Variants in ST3GAL3 observed in about 807,000 individuals in gnomAD.
ST3GAL3 encodes ST3 beta-galactoside alpha-2,3-sialyltransferase 3.
ST3GAL3 carries 21 observed loss-of-function variants against 50.1 expected under a neutral mutation model. That is an observed-to-expected ratio of 0.42 (90% CI 0.30 to 0.60). The LOEUF is 0.60. Among genes scored for constraint, ST3GAL3 ranks in the 20% least tolerant of loss-of-function variants. ST3GAL3 has a pLI of 0.19. For missense variants in ST3GAL3, 353 were observed against 489.4 expected (o/e 0.72, Z 2.63); for synonymous variants, 183 against 190.0 (o/e 0.96, Z 0.30).
Position 43,760,681 on chromosome 1 carries a change from G to A in ST3GAL3, c.118+24301G>A, listed in dbSNP as rs139530296. On this transcript the variant is annotated intron_variant, in intron 2 of 11. Transcript: ENST00000347631. ...TGAGGCAGGAGAATCGCTTGAACTC[G>A]GGAGGTGGAGGTTGCAGTGACCTGA... Among the ~76,000 whole-genome samples, 165 of 152,170 alleles carry A rather than the reference G, an allele frequency of 1.1e-3. 1 individual carries two copies. Among genetic ancestry groups the A allele is most frequent in the African/African-American group, 3.8e-3 (156 of 41,502 alleles).
intron 2 of ST3GAL3, among the ~76,000 whole-genome samples, chr1:43,781,608 CA>C (rs34427804): frequency 3.0e-3 from 371 of 123,648 alleles, no homozygotes; most frequent in African/African-American, 5.6e-3. Flanking sequence ...AAGACTGTCT[CA>C]AAAAAAAAAA....
intron 5 of ST3GAL3, among the ~76,000 whole-genome samples, chr1:43,849,366 T>G (rs1325681220): frequency 6.6e-6 from 1 of 152,190 alleles, no homozygotes; most frequent in East Asian, 1.9e-4. Flanking sequence ...AAAGCTCTTT[T>G]TGATGTGTTA....
chr1:43,824,925 C>T (rs1181478174), intron 4 of ST3GAL3: 1 of 720,902 alleles, frequency 1.4e-6, no homozygotes. Context: ...TTGAGAACCA[C>T]TGCTTTAATA....
In ST3GAL3 at chr1:43,930,842, G is replaced by A. The variant is rs535279389; in HGVS notation, c.*621G>A. On this transcript the variant is annotated 3_prime_UTR_variant, in exon 12 of 12. Coordinates refer to ENST00000347631, the MANE Select transcript of ST3GAL3 (RefSeq NM_006279.5). ...TCACCAGCCCTAGCTGTCCCATGGG[G>A]AAACCCTGGAGCCATCCCTTCGGAG... is the stretch of plus-strand genomic sequence containing the variant. 4.8e-3 allele frequency: 839 copies of A among 174,958 alleles called. 5 individuals are homozygous for A. Among genetic ancestry groups the A allele is most frequent in the Non-Finnish European group, 5.6e-3 (451 of 80,602 alleles). The allele number at this position is 174,958 out of a possible 1,614,324, so 10.8% of individuals were successfully genotyped here. A position where few individuals can be genotyped will look rare whatever the true frequency, so the allele number is the denominator to read the frequency against.
chr1:43,805,304 A>C (rs1363848333), intron 3 of ST3GAL3, among the ~76,000 whole-genome samples: 4 of 152,166 alleles, frequency 2.6e-5, no homozygotes, highest in Non-Finnish European at 4.4e-5. Context: ...TTGTCCCACT[A>C]ACCTAGCTTT....
rs764733547 is a variant in ST3GAL3, at chr1:43,899,710, G to A, written c.727G>A (p.Val243Ile). ...WQDFKWLKYI[V>I]YKERVSASDG... ...GGACTTTAAGTGGTTGAAATACATC[G>A]TCTACAAGGAGAGAGTGGTAAGCTC... Residue 243 changes from valine to isoleucine, a missense_variant, in exon 9 of 12, where the codon GTC becomes ATC. Transcript: ENST00000347631. This position sits in a 1 kb window ranked among gnomAD's most constrained non-coding sequence, Gnocchi z 5.4. The A allele has an allele frequency of 3.7e-6, 6 of 1,614,010 alleles. No homozygotes were observed. The highest frequency in any genetic ancestry group is 1.1e-5 in the South Asian group (1 of 91,084).
intron 5 of ST3GAL3, among the ~76,000 whole-genome samples, chr1:43,853,644 T>C (rs934318148): frequency 3.3e-5 from 5 of 152,232 alleles, no homozygotes; most frequent in African/African-American, 1.2e-4. Flanking sequence ...ATGGTTCTCT[T>C]ACCCAGCTCT....
intron 3 of ST3GAL3, among the ~76,000 whole-genome samples, chr1:43,798,668 C>T (rs1351599364): frequency 2.0e-5 from 3 of 152,198 alleles, no homozygotes; most frequent in Non-Finnish European, 4.4e-5. Flanking sequence ...CTCCTCTAAC[C>T]AGTCCTTCTC....
intron 9 of ST3GAL3, chr1:43,919,000 A>G (rs1187130504): frequency 2.0e-5 from 3 of 146,398 alleles, no homozygotes; most frequent in African/African-American, 7.6e-5. Context: ...GCTGCAGTAA[A>G]TTATTTTATC....
At chr1:43,875,481 C>A (rs1294193774) in intron 5 of ST3GAL3, among the ~76,000 whole-genome samples, 1 of 152,130 alleles carries the variant, frequency 6.6e-6, no homozygotes, top group Non-Finnish European at 1.5e-5. Flanking sequence ...TGTCCACACC[C>A]ATATTTCATC....
chr1:43,744,461 G>A (rs950078096), intron 2 of ST3GAL3, among the ~76,000 whole-genome samples: 12 of 151,768 alleles, frequency 7.9e-5, no homozygotes, highest in African/African-American at 2.4e-4. Context: ...GGCTGGTCTC[G>A]AACTCCTGAC....
At chr1:43,761,911 A>G (rs1690555443) in intron 2 of ST3GAL3, among the ~76,000 whole-genome samples, 1 of 139,778 alleles carries the variant, frequency 7.2e-6, no homozygotes, top group Admixed American at 7.7e-5. Context: ...AGATGGCACC[A>G]CTGCACTCCA....
intron 5 of ST3GAL3, chr1:43,841,663 C>A (rs1355774704): frequency 1.3e-5 from 2 of 152,214 alleles, no homozygotes; most frequent in Admixed American, 6.5e-5. Context: ...GAAGGGGCTA[C>A]CTCAATAATC....
chr1:43,808,602 G>A (rs979615029), intron 3 of ST3GAL3, among the ~76,000 whole-genome samples: 16 of 152,314 alleles, frequency 1.1e-4, no homozygotes, highest in African/African-American at 2.9e-4. Flanking sequence ...TGGAGAGTTT[G>A]CAGTCCATGT....
At chr1:43,756,116 A>AAAAAAAAAAAAG (rs763780680) in intron 2 of ST3GAL3, among the ~76,000 whole-genome samples, 7 of 136,914 alleles carry the variant, frequency 5.1e-5, no homozygotes, top group Non-Finnish European at 7.8e-5. Flanking sequence ...AAAAAAAAAA[A>AAAAAAAAAAAAG]AAGAAGAAGA....
At chr1:43,777,065 G>A (rs1697531625) in intron 2 of ST3GAL3, among the ~76,000 whole-genome samples, 1 of 152,122 alleles carries the variant, frequency 6.6e-6, no homozygotes, top group African/African-American at 2.4e-5. Context: ...TCTGGCACAT[G>A]TATATTATAT....
intron 2 of ST3GAL3, among the ~76,000 whole-genome samples, chr1:43,749,692 C>T (rs1434973377): frequency 6.6e-6 from 1 of 152,202 alleles, no homozygotes; most frequent in African/African-American, 2.4e-5. Flanking sequence ...ATGTTCTTGT[C>T]CCTTCCAGAA....
At chr1:43,765,753 C>G (rs12092342) in intron 2 of ST3GAL3, among the ~76,000 whole-genome samples, 4,134 of 115,592 alleles carry the variant, frequency 0.036, 200 homozygotes, top group African/African-American at 0.12. Context: ...CTGTGTGTGT[C>G]TGTGTGTGTG....
Position 43,837,949 on chromosome 1 carries a change from G to A in ST3GAL3, c.210-270G>A, listed in dbSNP as rs139376949. Among the ~76,000 whole-genome samples the A allele has an allele frequency of 8.1e-3, 1,236 of 152,036 alleles. 30 individuals are homozygous for A. Among genetic ancestry groups the A allele is most frequent in the Admixed American group, 0.054 (817 of 15,268 alleles). ...GCCTTAATGTGGAAAAGTGCCTGAA[G>A]TGCTGATTGTAGGGAATGAAACTTG... On this transcript the variant is annotated intron_variant, in intron 4 of 11. Coordinates refer to ENST00000347631, the MANE Select transcript of ST3GAL3 (RefSeq NM_006279.5).
Sources: allele counts gnomAD v4.1 joint callset (sites outside exome capture counted in the v4.1 genomes callset), GRCh38; gene constraint gnomAD v4.1.1; non-coding constraint Gnocchi (gnomAD v3.1); transcripts MANE v1.5; gene names NCBI Gene and HGNC (gene_info 2026-07-23, HGNC 2026-07-21).